The following GXYLT1 variants were observed in gnomAD, a reference collection of about 807,000 sequenced individuals.
GXYLT1 encodes glycosyltransferase 8 domain containing 3.
Under a neutral mutation model 54.0 loss-of-function variants are expected in GXYLT1, and 29 were observed. The observed-to-expected ratio is 0.54, with a 90% CI of 0.40 to 0.73. GXYLT1 has a LOEUF of 0.73. GXYLT1 is among the 30% of genes least tolerant of loss of function. The probability of loss-of-function intolerance (pLI) is 0.00; values close to 1 mark genes in which losing one functional copy is unlikely to be tolerated. For missense variants in GXYLT1, 490 were observed against 553.4 expected (o/e 0.89, Z 1.15); for synonymous variants, 176 against 204.1 (o/e 0.86, Z 1.17).
intron 7 of GXYLT1, among the ~76,000 whole-genome samples, chr12:42,096,648 A>G (rs543536103): frequency 6.6e-6 from 1 of 152,174 alleles, no homozygotes; most frequent in Non-Finnish European, 1.5e-5. Flanking sequence ...TGCAAATAAC[A>G]TGGTGAAGAT....
chr12:42,137,975 A>C (rs2065630392), intron 1 of GXYLT1, among the ~76,000 whole-genome samples: 1 of 151,994 alleles, frequency 6.6e-6, no homozygotes. Context: ...TTTTCAACTA[A>C]ATTGTTTCCA....
Position 42,084,324 on chromosome 12 carries a change from T to G in GXYLT1, c.*3462A>C, listed in dbSNP as rs2065273392. On this transcript the variant is annotated 3_prime_UTR_variant, in exon 8 of 8. Transcript: ENST00000398675. ...TCACTTCCTCTCTTTTCCTTCTTTT[T>G]TGATTTAGTTACATCATTCTTTTCT... The G allele has an allele frequency of 6.6e-6, 1 of 152,428 alleles. No homozygotes were observed. Among genetic ancestry groups the G allele is most frequent in the South Asian group, 2.1e-4 (1 of 4,838 alleles). The allele number at this position is 152,428 out of a possible 1,614,324, so 9.4% of individuals were successfully genotyped here.
At chr12:42,132,588 A>G (rs1341375116) in intron 1 of GXYLT1, among the ~76,000 whole-genome samples, 1 of 152,208 alleles carries the variant, frequency 6.6e-6, no homozygotes, top group Non-Finnish European at 1.5e-5. Context: ...TAGAAAAGTT[A>G]ACGTGTATGT....
chr12:42,087,827 T>G lies in GXYLT1; in HGVS notation c.1282A>C (p.Ser428Arg). 1 of 1,607,022 alleles carries G rather than the reference T, an allele frequency of 6.2e-7. No individual in the cohort carries two copies. The highest frequency in any genetic ancestry group is 8.5e-7 in the Non-Finnish European group (1 of 1,177,298). The stretch of plus-strand genomic sequence containing the variant: ...GATCTGGCATAACGATCTCTTACAC[T>G]TTTTGCTAGTTGTTTGATAAATATT... ...YKIFIKQLAK[S>R]VRDRYARSPK... Residue 428 changes from serine (S) to arginine (R), a missense_variant, in exon 8 of 8, where the codon AGT (serine) becomes CGT (arginine). By Grantham distance (110) the Ser-to-Arg change is moderately radical. Transcript: ENST00000398675.
intron 1 of GXYLT1, among the ~76,000 whole-genome samples, chr12:42,142,161 C>T (rs936291049): frequency 6.6e-6 from 1 of 152,102 alleles, no homozygotes; most frequent in African/African-American, 2.4e-5. Context: ...CCACTGAGTC[C>T]ACTATCTAAA....
intron 4 of GXYLT1, 65 bp downstream of exon 4, chr12:42,109,501 G>GT: frequency 9.0e-7 from 1 of 1,115,476 alleles, no homozygotes; most frequent in South Asian, 2.5e-5. Flanking sequence ...AGAGACTCAT[G>GT]TGTAAAAGTA....
At chr12:42,090,129 T>C (rs17801484) in intron 7 of GXYLT1, among the ~76,000 whole-genome samples, 27,993 of 151,996 alleles carry the variant, frequency 0.18, 2,895 homozygotes, top group South Asian at 0.28. Flanking sequence ...AAAAAGCCAT[T>C]TGATGAATAT....
rs1334766097 is a variant in GXYLT1 at position 42,085,525 on chromosome 12, T to C, written c.*2261A>G. 1.2e-4 allele frequency: 19 copies of C among 152,296 alleles called. No individual in the cohort carries two copies. Among genetic ancestry groups the C allele is most frequent in the Admixed American group, 1.2e-3 (18 of 15,292 alleles). 9.4% of individuals were successfully genotyped at this position (152,296 alleles called of 1,614,324 possible). On this transcript the variant is annotated 3_prime_UTR_variant, in exon 8 of 8. Coordinates refer to ENST00000398675, the MANE Select transcript of GXYLT1 (RefSeq NM_173601.2). ...CTCTAATATTTCAAAATCACATTTA[T>C]AATCCACCAAACGTGCCAAGAATTG...
At chr12:42,114,010 A>G (rs1327349473) in intron 3 of GXYLT1, among the ~76,000 whole-genome samples, 3 of 152,218 alleles carry the variant, frequency 2.0e-5, no homozygotes, top group Admixed American at 6.5e-5. Flanking sequence ...GAAACTGAAC[A>G]ACCTGCTCCG....
chr12:42,144,002 TCACACACACA>T (rs146444482), intron 1 of GXYLT1, among the ~76,000 whole-genome samples: 1 of 150,608 alleles, frequency 6.6e-6, no homozygotes, highest in African/African-American at 2.4e-5. Flanking sequence ...ACATATACAC[TCACACACACA>T]CACACAATCC....
intron 7 of GXYLT1, among the ~76,000 whole-genome samples, chr12:42,094,768 T>C (rs2065346697): frequency 1.3e-5 from 2 of 152,074 alleles, no homozygotes; most frequent in South Asian, 4.1e-4. Context: ...ACAATGTATA[T>C]CACAGGAAAA....
At chr12:42,116,407 C>A (rs985256448) in intron 3 of GXYLT1, among the ~76,000 whole-genome samples, 8 of 152,098 alleles carry the variant, frequency 5.3e-5, no homozygotes, top group Non-Finnish European at 1.0e-4. Context: ...TATCCAGAAT[C>A]TACAATTAAC....
At position 42,083,966 on chromosome 12, in the gene GXYLT1, A is replaced by T. The variant is rs1159839685; in HGVS notation, c.*3820T>A. The T allele has an allele frequency of 6.6e-6, 1 of 150,526 alleles. No homozygotes were observed. The highest frequency in any genetic ancestry group is 1.5e-5 in the Non-Finnish European group (1 of 68,022). 9.3% of individuals were successfully genotyped at this position (150,526 alleles called of 1,614,324 possible). ...TATTTCCACAGGTCCTAGCTCACAAACTGGGATCCACTAAAAAAAAAAGAC... is the reference window on the plus strand; with the variant it reads ...TATTTCCACAGGTCCTAGCTCACAATCTGGGATCCACTAAAAAAAAAAGAC... On this transcript the variant is annotated 3_prime_UTR_variant, in exon 8 of 8. Transcript: ENST00000398675.
At chr12:42,098,636 T>C (rs1222249990) in intron 5 of GXYLT1, among the ~76,000 whole-genome samples, 2 of 151,464 alleles carry the variant, frequency 1.3e-5, no homozygotes, top group Non-Finnish European at 2.9e-5. Context: ...GTATGAGTTT[T>C]GTGTCTACTT....
At chr12:42,132,659 C>T (rs935831186) in intron 1 of GXYLT1, among the ~76,000 whole-genome samples, 4 of 152,182 alleles carry the variant, frequency 2.6e-5, no homozygotes, top group African/African-American at 4.8e-5. Context: ...AAAACGCCCA[C>T]GTGAGCTAGA....
At chr12:42,114,993 C>T (rs1196945631) in intron 3 of GXYLT1, among the ~76,000 whole-genome samples, 4 of 152,168 alleles carry the variant, frequency 2.6e-5, no homozygotes, top group African/African-American at 7.2e-5. Context: ...AATCAATAAA[C>T]GTAATCCAGC....
In GXYLT1 at chr12:42,087,525, T is replaced by C. The variant is rs913661974; in HGVS notation, c.*261A>G. 24 of 346,054 alleles carry C rather than the reference T, an allele frequency of 6.9e-5. No individual in the cohort carries two copies. The highest frequency in any genetic ancestry group is 4.4e-4 in the African/African-American group (20 of 45,188). 21.4% of individuals were successfully genotyped at this position (346,054 alleles called of 1,614,324 possible). Reference sequence around the variant, plus strand: ...AACAGAAGTCTGCAGGTTAAACCCATTCAATAGTATTTTCATCAATACTGG... The same window carrying C: ...AACAGAAGTCTGCAGGTTAAACCCACTCAATAGTATTTTCATCAATACTGG... On this transcript the variant is annotated 3_prime_UTR_variant, in exon 8 of 8. Transcript: ENST00000398675.
chr12:42,102,310 T>C (rs1351778176), intron 5 of GXYLT1, among the ~76,000 whole-genome samples: 1 of 152,228 alleles, frequency 6.6e-6, no homozygotes, highest in Non-Finnish European at 1.5e-5. Context: ...AGATGTTCGT[T>C]GTTGTTATTC....
intron 5 of GXYLT1, among the ~76,000 whole-genome samples, chr12:42,102,347 A>C (rs753054246): frequency 2.0e-5 from 3 of 152,220 alleles, no homozygotes; most frequent in Non-Finnish European, 4.4e-5. Context: ...GTACTAACAC[A>C]AGAAAACTCT....
Sources: gnomAD v4.1 joint callset for allele counts (sites outside exome capture counted in the v4.1 genomes callset) on GRCh38, gnomAD v4.1.1 for gene constraint, MANE v1.5 for transcripts, NCBI Gene and HGNC (gene_info 2026-07-23, HGNC 2026-07-21) for gene names.